The following SLCO3A1 variants were observed in gnomAD, a reference collection of about 807,000 sequenced individuals.
The protein encoded by SLCO3A1 is PGE1 transporter.
Under a neutral mutation model 63.1 loss-of-function variants are expected in SLCO3A1, and 27 were observed. The observed-to-expected ratio is 0.43, with a 90% CI of 0.32 to 0.59. The LOEUF is 0.59. Ranked by LOEUF, SLCO3A1 falls within the 20% of genes least tolerant of loss-of-function variation. SLCO3A1 has a pLI of 0.09. For missense variants in SLCO3A1, 773 were observed against 945.8 expected, an observed-to-expected ratio of 0.82 and a Z score of 2.40; for synonymous variants, 473 against 409.9, an observed-to-expected ratio of 1.15 and a Z score of -1.86.
At chr15:92,162,498 T>TGTA (rs1491523172) in intron 9 of SLCO3A1, 1 of 481,844 alleles carries the variant, frequency 2.1e-6, no homozygotes, top group Non-Finnish European at 3.6e-6. Flanking sequence ...TGGTGAAGAC[T>TGTA]GTAGTATTAT....
rs999924023 is a variant in SLCO3A1, at chr15:91,942,762, A to G, written c.646+26304A>G. Among the ~76,000 whole-genome samples, 1 of 152,102 alleles carries G rather than the reference A, an allele frequency of 6.6e-6. No homozygotes were observed. The highest frequency in any genetic ancestry group is 2.4e-5 in the African/African-American group (1 of 41,412). ...TTTTGAAAAGAGATGGGGTTTCTCC[A>G]TGTTGGCCAGCCTGGTCTCAAATTC... is the stretch of plus-strand genomic sequence containing the variant. On this transcript the variant is annotated intron_variant, in intron 2 of 9. Transcript: ENST00000318445. The surrounding 1 kb of genome is among the most constrained non-coding windows in gnomAD (Gnocchi z 4.1).
chr15:92,116,283 A>G (rs192104359), intron 4 of SLCO3A1, among the ~76,000 whole-genome samples: 1 of 152,346 alleles, frequency 6.6e-6, no homozygotes, highest in African/African-American at 2.4e-5. Context: ...TCCGTCCTGA[A>G]GGACCCATAA....
At chr15:92,045,827 TAG>T (rs1327644844) in intron 2 of SLCO3A1, among the ~76,000 whole-genome samples, 4 of 152,192 alleles carry the variant, frequency 2.6e-5, no homozygotes, top group African/African-American at 9.7e-5. Flanking sequence ...CCTTGCAAAG[TAG>T]ATAGTATCAA....
chr15:91,911,699 T>G (rs1898491638), intron 1 of SLCO3A1, among the ~76,000 whole-genome samples: 1 of 152,168 alleles, frequency 6.6e-6, no homozygotes, highest in African/African-American at 2.4e-5. Context: ...CAGTCTTGGC[T>G]CACTGCAACC....
chr15:92,013,306 C>A (rs766705566), intron 2 of SLCO3A1, among the ~76,000 whole-genome samples: 5 of 152,238 alleles, frequency 3.3e-5, no homozygotes, highest in Non-Finnish European at 5.9e-5. Context: ...TAGAGAGGCT[C>A]ATAGATGTTG....
intron 2 of SLCO3A1, among the ~76,000 whole-genome samples, chr15:92,044,086 G>C (rs2046831193): frequency 6.6e-6 from 1 of 152,134 alleles, no homozygotes; most frequent in Non-Finnish European, 1.5e-5. Context: ...CAGCTTCATA[G>C]ACCATTATAC....
chr15:92,117,140 T>A (rs989543884), intron 4 of SLCO3A1, among the ~76,000 whole-genome samples: 3 of 152,250 alleles, frequency 2.0e-5, no homozygotes, highest in African/African-American at 7.2e-5. Context: ...TTAACCGGAG[T>A]TGCCTTTGTT....
At chr15:92,000,148 C>T (rs4932599) in intron 2 of SLCO3A1, among the ~76,000 whole-genome samples, 33,862 of 151,902 alleles carry the variant, frequency 0.22, 4,016 homozygotes, top group East Asian at 0.36. Context: ...CTTAAATTAT[C>T]TTTGGACATA....
chr15:91,853,876 A>AGCGGCGGCGGCG lies in SLCO3A1; in HGVS notation c.-19_-8dup, dbSNP rs368016879. The AGCGGCGGCGGCG allele has an allele frequency of 3.9e-6, 5 of 1,294,676 alleles. No individual in the cohort carries two copies. Among genetic ancestry groups the AGCGGCGGCGGCG allele is most frequent in the African/African-American group, 3.3e-5 (2 of 61,370 alleles). The allele number at this position is 1,294,676 out of a possible 1,614,324, so 80.2% of individuals were successfully genotyped here. ...CACCCGGGGCGAGCGGGAAAGCGGC[A>AGCGGCGGCGGCG]GCGGCGGCGGCGGCGGCGGCGGCGG... On this transcript the variant is annotated 5_prime_UTR_variant, in exon 1 of 10. Coordinates refer to ENST00000318445, the MANE Select transcript of SLCO3A1 (RefSeq NM_013272.4).
downstream of SLCO3A1, among the ~76,000 whole-genome samples, chr15:92,167,566 A>G (rs961808929): frequency 6.6e-6 from 1 of 152,234 alleles, no homozygotes; most frequent in African/African-American, 2.4e-5. Flanking sequence ...CCCTTACAGT[A>G]AACCACCCTA....
At position 92,141,990 on chromosome 15, in the gene SLCO3A1, G is replaced by T. The variant is rs753417361; in HGVS notation, c.1513-4994G>T. ...GCCCATCCTGGTGGATTGACTCATT[G>T]GATGGAAAAGGAAACCCATCCAAGT... On this transcript the variant is annotated intron_variant, in intron 7 of 9. Coordinates refer to ENST00000318445, the MANE Select transcript of SLCO3A1 (RefSeq NM_013272.4). 5.9e-4 allele frequency among the ~76,000 whole-genome samples: 90 copies of T among 152,300 alleles called. 1 individual carries two copies. Among genetic ancestry groups the T allele is most frequent in the Middle Eastern group, 6.8e-3 (2 of 294 alleles).
In SLCO3A1 at chr15:92,032,653, T is replaced by C. The variant is rs560990484; in HGVS notation, c.647-62228T>C. On this transcript the variant is annotated intron_variant, in intron 2 of 9. Coordinates refer to ENST00000318445, the MANE Select transcript of SLCO3A1 (RefSeq NM_013272.4). Reference sequence around the variant, plus strand: ...TTTTGGCAGAAAGCCCTGGGTGCGGTGATTGGGTAGGTTGGAGTGGGCAGC... The same window carrying C: ...TTTTGGCAGAAAGCCCTGGGTGCGGCGATTGGGTAGGTTGGAGTGGGCAGC... Among the ~76,000 whole-genome samples the C allele has an allele frequency of 9.2e-5, 14 of 151,926 alleles. No individual in the cohort carries two copies. In the South Asian group the frequency reaches 2.5e-3, roughly 27 times the overall value.
At chr15:92,071,976 A>C (rs1489550664) in intron 2 of SLCO3A1, among the ~76,000 whole-genome samples, 1 of 152,168 alleles carries the variant, frequency 6.6e-6, no homozygotes, top group Non-Finnish European at 1.5e-5. Context: ...AGCTGTCACC[A>C]AGGGTACAAT....
At chr15:91,971,122 G>A (rs780206741) in intron 2 of SLCO3A1, among the ~76,000 whole-genome samples, 3 of 152,004 alleles carry the variant, frequency 2.0e-5, no homozygotes, top group Admixed American at 6.6e-5. Context: ...TTGGCCGGGC[G>A]CGGTGGCTCA....
intron 2 of SLCO3A1, among the ~76,000 whole-genome samples, chr15:92,092,270 TTAA>T (rs1397846899): frequency 6.6e-6 from 1 of 152,134 alleles, no homozygotes; most frequent in Non-Finnish European, 1.5e-5. Context: ...CCATTAAGTA[TTAA>T]TAATAATTCT....
chr15:92,037,501 T>C (rs1262750048), intron 2 of SLCO3A1, among the ~76,000 whole-genome samples: 1 of 152,230 alleles, frequency 6.6e-6, no homozygotes, highest in Non-Finnish European at 1.5e-5. Flanking sequence ...AGTCAGCTTC[T>C]AGAATGCTAA....
chr15:92,105,363 T>C (rs2047655450), intron 4 of SLCO3A1, among the ~76,000 whole-genome samples: 4 of 152,184 alleles, frequency 2.6e-5, no homozygotes, highest in Admixed American at 2.6e-4. Flanking sequence ...GATGTTTTCC[T>C]GCAGAAAGAA....
chr15:92,155,721 A>G (rs113737362), intron 9 of SLCO3A1, among the ~76,000 whole-genome samples: 94 of 152,270 alleles, frequency 6.2e-4, no homozygotes, highest in African/African-American at 2.1e-3. Flanking sequence ...GACAGCATCT[A>G]TTGAGATCCC....
At position 91,954,733 on chromosome 15, in the gene SLCO3A1, G is replaced by T. The variant is rs1900112748; in HGVS notation, c.646+38275G>T. ...AGTGAGGGGGGTAAAGATGGGGAGA[G>T]GGGTTGACCTGCGAAGCACCCTCTG... On this transcript the variant is annotated intron_variant, in intron 2 of 9. Transcript: ENST00000318445. The surrounding 1 kb of genome is among the most constrained non-coding windows in gnomAD (Gnocchi z 4.7). 6.6e-6 allele frequency among the ~76,000 whole-genome samples: 1 copy of T among 152,040 alleles called. No individual in the cohort carries two copies. The highest frequency in any genetic ancestry group is 1.9e-4 in the East Asian group (1 of 5,158).
Sources: gnomAD v4.1 joint callset for allele counts (sites outside exome capture counted in the v4.1 genomes callset) on GRCh38, gnomAD v4.1.1 for gene constraint, Gnocchi (gnomAD v3.1) non-coding constraint, MANE v1.5 for transcripts, NCBI Gene and HGNC (gene_info 2026-07-23, HGNC 2026-07-21) for gene names.